Variants in CNTN4 observed in about 807,000 individuals in gnomAD.
CNTN4 encodes contactin-4.
CNTN4 carries 77 observed loss-of-function variants against 122.5 expected under a neutral mutation model. The ratio of observed to expected loss-of-function variants is 0.63; its 90% CI spans 0.52 to 0.76. The LOEUF (loss-of-function observed/expected upper bound fraction) is 0.76. Ranked by LOEUF, CNTN4 falls within the 30% of genes least tolerant of loss-of-function variation. The pLI is 0.00. For missense variants in CNTN4, 1,256 were observed against 1,259.1 expected, an observed-to-expected ratio of 1.00 and a Z score of 0.04; for synonymous variants, 512 against 447.0, an observed-to-expected ratio of 1.15 and a Z score of -1.83.
intron 10 of CNTN4, among the ~76,000 whole-genome samples, chr3:2,893,031 T>G (rs2094062071): frequency 6.6e-6 from 1 of 152,232 alleles, no homozygotes; most frequent in Admixed American, 6.5e-5. Context: ...CGGATACTCT[T>G]TCTTGCGTTT....
At chr3:2,186,530 A>G (rs1240062974) in intron 2 of CNTN4, among the ~76,000 whole-genome samples, 1 of 152,220 alleles carries the variant, frequency 6.6e-6, no homozygotes, top group African/African-American at 2.4e-5. Context: ...TGGTTGAACT[A>G]GTTTACAGTC....
chr3:2,655,836 T>C (rs1010460961), intron 4 of CNTN4, among the ~76,000 whole-genome samples: 1 of 152,198 alleles, frequency 6.6e-6, no homozygotes, highest in African/African-American at 2.4e-5. Context: ...CAAGACTGTT[T>C]TGACTTTCTT....
chr3:2,255,799 G>C (rs764072428), intron 2 of CNTN4, among the ~76,000 whole-genome samples: 8 of 152,142 alleles, frequency 5.3e-5, no homozygotes, highest in Non-Finnish European at 8.8e-5. Context: ...AATGTTTAGA[G>C]GGAAATCTAT....
At chr3:2,810,043 G>T (rs1444568377) in intron 6 of CNTN4, among the ~76,000 whole-genome samples, 4 of 152,148 alleles carry the variant, frequency 2.6e-5, no homozygotes, top group Non-Finnish European at 4.4e-5. Context: ...AACTGTGAGA[G>T]TCTCAGACAG....
At chr3:2,974,800 C>T (rs1693267571) in intron 13 of CNTN4, among the ~76,000 whole-genome samples, 1 of 152,124 alleles carries the variant, frequency 6.6e-6, no homozygotes, top group Non-Finnish European at 1.5e-5. Flanking sequence ...CTTTCATTTT[C>T]TCTCTTAGAA....
At chr3:2,990,044 T>G (rs1446779185) in intron 14 of CNTN4, among the ~76,000 whole-genome samples, 2 of 152,238 alleles carry the variant, frequency 1.3e-5, no homozygotes, top group African/African-American at 4.8e-5. Context: ...GACAAGACAC[T>G]TAGCCTGTGT....
At chr3:3,055,758 T>A (rs763364448) in intron 24 of CNTN4, among the ~76,000 whole-genome samples, 1 of 152,226 alleles carries the variant, frequency 6.6e-6, no homozygotes, top group Non-Finnish European at 1.5e-5. Flanking sequence ...AAGTGTCATA[T>A]TCATCTGTGC....
intron 15 of CNTN4, among the ~76,000 whole-genome samples, chr3:3,029,779 G>C (rs1391153388): frequency 6.6e-6 from 1 of 152,122 alleles, no homozygotes; most frequent in African/African-American, 2.4e-5. Flanking sequence ...GTAAAATAAG[G>C]ATAACAAGAA....
chr3:2,413,088 G>A (rs933136489), intron 3 of CNTN4, among the ~76,000 whole-genome samples: 1 of 152,076 alleles, frequency 6.6e-6, no homozygotes, highest in Non-Finnish European at 1.5e-5. Context: ...ACATACATAT[G>A]CATCGTTAAA....
rs1207197275 is a variant in CNTN4 at position 2,385,053 on chromosome 3, T to C, written c.-89+45820T>C. 6.6e-6 allele frequency among the ~76,000 whole-genome samples: 1 copy of C among 152,174 alleles called. No individual in the cohort carries two copies. The highest frequency in any genetic ancestry group is 1.9e-4 in the East Asian group (1 of 5,192). ...TGCTTCGCCTCTTACTCTTCCTTCC[T>C]AACTGGTCTATTCTGGTATTACCCA... On this transcript the variant is annotated intron_variant, in intron 3 of 24. Transcript: ENST00000418658. The surrounding 1 kb of genome is among the most constrained non-coding windows in gnomAD (Gnocchi z 4.0).
chr3:2,867,167 C>T (rs2093732959), intron 8 of CNTN4, among the ~76,000 whole-genome samples: 1 of 152,124 alleles, frequency 6.6e-6, no homozygotes, highest in Non-Finnish European at 1.5e-5. Flanking sequence ...TTGCTAATCT[C>T]AACAGGAATA....
At chr3:2,321,498 T>G (rs1172330015) in intron 2 of CNTN4, among the ~76,000 whole-genome samples, 1 of 152,142 alleles carries the variant, frequency 6.6e-6, no homozygotes, top group Admixed American at 6.6e-5. Context: ...GAAGAGATTT[T>G]TATTAAGAGG....
intron 7 of CNTN4, among the ~76,000 whole-genome samples, chr3:2,822,689 G>A (rs886930892): frequency 6.6e-6 from 1 of 152,098 alleles, no homozygotes; most frequent in Admixed American, 6.5e-5. Flanking sequence ...ATCTCTTTAG[G>A]AAAGGCAAAA....
rs537364298 is a variant in CNTN4 at position 2,813,358 on chromosome 3, C to T, written c.359-6128C>T. On this transcript the variant is annotated intron_variant, in intron 6 of 24. Coordinates refer to ENST00000418658, the MANE Select transcript of CNTN4 (RefSeq NM_175607.3). ...TGCTGACAATTTCTTGTTCTAAGGC[C>T]AACCTGGGAGAATTAATAGAATCCA... 9.2e-5 allele frequency among the ~76,000 whole-genome samples: 14 copies of T among 152,236 alleles called. No individual in the cohort carries two copies. In the South Asian group the frequency reaches 2.9e-3, roughly 32 times the overall value.
At chr3:2,593,606 C>T (rs1466025053) in intron 4 of CNTN4, among the ~76,000 whole-genome samples, 2 of 152,074 alleles carry the variant, frequency 1.3e-5, no homozygotes, top group Non-Finnish European at 2.9e-5. Context: ...AGGAATAAGT[C>T]ATATTTTGGA....
intron 3 of CNTN4, among the ~76,000 whole-genome samples, chr3:2,565,857 C>G (rs1287564398): frequency 2.0e-5 from 3 of 152,166 alleles, no homozygotes; most frequent in Non-Finnish European, 4.4e-5. Context: ...AGGAAACTCT[C>G]AACTCTACAG....
At chr3:2,578,896 A>T (rs1224880833) in intron 4 of CNTN4, among the ~76,000 whole-genome samples, 4 of 152,172 alleles carry the variant, frequency 2.6e-5, no homozygotes, top group Admixed American at 2.6e-4. Flanking sequence ...AAAATAGGGG[A>T]AGTATACTTA....
At position 2,383,579 on chromosome 3, in the gene CNTN4, C is replaced by T. The variant is rs574000667; in HGVS notation, c.-89+44346C>T. ...TCTTGTCAAGAATCCATAAATGTAA[C>T]GACAGCACTATTTTCTCTCTCTCTC... On this transcript the variant is annotated intron_variant, in intron 3 of 24. Transcript: ENST00000418658. Among the ~76,000 whole-genome samples, 25 of 152,152 alleles carry T rather than the reference C, an allele frequency of 1.6e-4. No individual in the cohort carries two copies. The East Asian group carries it at 2.5e-3, about 15-fold the overall frequency.
intron 3 of CNTN4, among the ~76,000 whole-genome samples, chr3:2,498,135 A>C (rs1209627059): frequency 6.6e-6 from 1 of 152,158 alleles, no homozygotes; most frequent in Non-Finnish European, 1.5e-5. Flanking sequence ...ATTTTTGCAA[A>C]TATATATGAA....
Sources: gnomAD v4.1 joint callset for allele counts (sites outside exome capture counted in the v4.1 genomes callset) on GRCh38, gnomAD v4.1.1 for gene constraint, Gnocchi (gnomAD v3.1) non-coding constraint, MANE v1.5 for transcripts, NCBI Gene and HGNC (gene_info 2026-07-23, HGNC 2026-07-21) for gene names.